The following KCNH7 variants were observed in gnomAD, a reference collection of about 807,000 sequenced individuals.
KCNH7 encodes voltage-gated inwardly rectifying potassium channel KCNH7.
In KCNH7, 49 loss-of-function variants were observed where a neutral mutation model predicts 120.8. The ratio of observed to expected loss-of-function variants is 0.41; its 90% CI spans 0.32 to 0.51. The LOEUF (loss-of-function observed/expected upper bound fraction) is 0.51, where lower values mean the gene tolerates loss of function less well. KCNH7 is among the 20% of genes least tolerant of loss of function. KCNH7 has a pLI of 0.38. For synonymous variants in KCNH7, 547 were observed against 516.1 expected (o/e 1.06, Z -0.81); for missense variants, 1,097 against 1,446.6 (o/e 0.76, Z 3.92).
At chr2:162,755,581 G>A (rs1313155808) in intron 2 of KCNH7, among the ~76,000 whole-genome samples, 5 of 152,294 alleles carry the variant, frequency 3.3e-5, no homozygotes, top group African/African-American at 4.8e-5. Flanking sequence ...GAATCCTTGT[G>A]TGACACTGTG....
intron 9 of KCNH7, among the ~76,000 whole-genome samples, chr2:162,401,040 G>A (rs59805118): frequency 1.3e-5 from 2 of 151,858 alleles, no homozygotes; most frequent in African/African-American, 2.4e-5. Flanking sequence ...AGAGAAAGGC[G>A]AGGAGAACAG....
intron 13 of KCNH7, among the ~76,000 whole-genome samples, chr2:162,383,535 C>G (rs1686487774): frequency 6.6e-6 from 1 of 151,824 alleles, no homozygotes; most frequent in African/African-American, 2.4e-5. Context: ...CCTAAGTATC[C>G]TAGATTTAAT....
At chr2:162,449,208 G>A (rs1558950870) in intron 6 of KCNH7, among the ~76,000 whole-genome samples, 2 of 152,042 alleles carry the variant, frequency 1.3e-5, no homozygotes, top group Admixed American at 6.6e-5. Context: ...AAGGTCTAAT[G>A]TGACTGGATA....
rs1031693733 is a variant in KCNH7 at position 162,556,196 on chromosome 2, A to G, written c.308-19116T>C. Among the ~76,000 whole-genome samples, 8 of 152,286 alleles carry G rather than the reference A, an allele frequency of 5.3e-5. No individual in the cohort carries two copies. The East Asian group carries it at 1.5e-3, about 29-fold the overall frequency. On this transcript the variant is annotated intron_variant, in intron 2 of 15. Transcript: ENST00000332142. ...GAATAGAATCTGGAAGGAAACACAC[A>G]CATCAAACTGTTATTAATTAAAACT... is the stretch of plus-strand genomic sequence containing the variant.
intron 1 of KCNH7, among the ~76,000 whole-genome samples, chr2:162,837,753 A>G (rs1178667579): frequency 6.6e-6 from 1 of 152,196 alleles, no homozygotes; most frequent in Non-Finnish European, 1.5e-5. Flanking sequence ...CTGTGCATTC[A>G]GTCTTTGTGG....
At chr2:162,579,034 T>C (rs1559026456) in intron 2 of KCNH7, among the ~76,000 whole-genome samples, 1 of 151,972 alleles carries the variant, frequency 6.6e-6, no homozygotes, top group Non-Finnish European at 1.5e-5. Flanking sequence ...ATCCTATGTG[T>C]TAGTGAAATT....
chr2:162,607,843 C>T (rs1424034104), intron 2 of KCNH7, among the ~76,000 whole-genome samples: 3 of 151,936 alleles, frequency 2.0e-5, no homozygotes, highest in African/African-American at 7.2e-5. Flanking sequence ...TTTTAAAGTA[C>T]TAGATTTTAC....
intron 5 of KCNH7, among the ~76,000 whole-genome samples, chr2:162,512,007 C>G (rs1201238767): frequency 1.3e-5 from 2 of 151,662 alleles, no homozygotes; most frequent in Non-Finnish European, 1.5e-5. Flanking sequence ...GAATTGAATT[C>G]CAAATTTTCA....
At chr2:162,561,484 G>A (rs996546487) in intron 2 of KCNH7, among the ~76,000 whole-genome samples, 1 of 152,072 alleles carries the variant, frequency 6.6e-6, no homozygotes, top group African/African-American at 2.4e-5. Context: ...TTCCACAATG[G>A]TTGAACTAAT....
chr2:162,627,042 G>C (rs1055960071), intron 2 of KCNH7, among the ~76,000 whole-genome samples: 3 of 152,206 alleles, frequency 2.0e-5, no homozygotes, highest in Non-Finnish European at 2.9e-5. Context: ...TAATTAGTGA[G>C]TGAATTCCCT....
chr2:162,476,878 A>T (rs1202243563), intron 6 of KCNH7, among the ~76,000 whole-genome samples: 2 of 152,234 alleles, frequency 1.3e-5, no homozygotes, highest in East Asian at 3.8e-4. Flanking sequence ...GGTTATGCAC[A>T]TTATTAAGTC....
At chr2:162,551,020 T>A (rs1285139704) in intron 2 of KCNH7, among the ~76,000 whole-genome samples, 1 of 152,064 alleles carries the variant, frequency 6.6e-6, no homozygotes, top group Non-Finnish European at 1.5e-5. Flanking sequence ...AAGATTAAAT[T>A]CCCTTAGAAC....
chr2:162,409,051 A>G (rs895833057), intron 9 of KCNH7, among the ~76,000 whole-genome samples: 2 of 151,846 alleles, frequency 1.3e-5, no homozygotes, highest in East Asian at 1.9e-4. Flanking sequence ...AGAATAGTAA[A>G]GTTATCAAAA....
chr2:162,686,356 C>T (rs942903738), intron 2 of KCNH7, among the ~76,000 whole-genome samples: 11 of 152,190 alleles, frequency 7.2e-5, no homozygotes, highest in East Asian at 5.8e-4. Flanking sequence ...TGTACCAATT[C>T]GTTTCCAATC....
At chr2:162,504,332 G>GA (rs1167094213) in intron 6 of KCNH7, 111 bp downstream of exon 6, 2 of 774,388 alleles carry the variant, frequency 2.6e-6, no homozygotes, top group African/African-American at 1.7e-5. Context: ...GGAGTACAAA[G>GA]AAAAAATGTC....
At chr2:162,722,992 T>G (rs1158914642) in intron 2 of KCNH7, among the ~76,000 whole-genome samples, 1 of 151,788 alleles carries the variant, frequency 6.6e-6, no homozygotes, top group African/African-American at 2.4e-5. Flanking sequence ...GAATTTCTGT[T>G]AAAATCCTCA....
At chr2:162,763,364 A>C (rs540160018) in intron 2 of KCNH7, among the ~76,000 whole-genome samples, 14 of 152,190 alleles carry the variant, frequency 9.2e-5, no homozygotes, top group African/African-American at 3.1e-4. Context: ...TTTGCTTTCC[A>C]CTTAACGATA....
chr2:162,659,223 A>T (rs1472663221), intron 2 of KCNH7, among the ~76,000 whole-genome samples: 1 of 152,062 alleles, frequency 6.6e-6, no homozygotes, highest in Non-Finnish European at 1.5e-5. Context: ...TGATTTGATC[A>T]TTTAACTTTT....
At chr2:162,503,164 T>C (rs1258755685) in intron 6 of KCNH7, among the ~76,000 whole-genome samples, 2 of 152,060 alleles carry the variant, frequency 1.3e-5, no homozygotes, top group Non-Finnish European at 2.9e-5. Flanking sequence ...TTTTATTCCC[T>C]TATGCACTTG....
Sources: allele counts gnomAD v4.1 joint callset (sites outside exome capture counted in the v4.1 genomes callset), GRCh38; gene constraint gnomAD v4.1.1; transcripts MANE v1.5; gene names NCBI Gene and HGNC (gene_info 2026-07-23, HGNC 2026-07-21).